PHACTR2: variants seen among roughly 807,000 people sequenced by gnomAD.
PHACTR2 encodes chromosome 6 open reading frame 56.
PHACTR2 carries 30 observed loss-of-function variants against 76.0 expected under a neutral mutation model. The ratio of observed to expected loss-of-function variants is 0.39; its 90% CI spans 0.30 to 0.54. The LOEUF is 0.54. Among genes scored for constraint, PHACTR2 ranks in the 20% least tolerant of loss-of-function variants. The pLI is 0.61. For missense variants in PHACTR2, 696 were observed against 781.1 expected (o/e 0.89, Z 1.30); for synonymous variants, 292 against 292.5 (o/e 1.00, Z 0.02).
intron 1 of PHACTR2, among the ~76,000 whole-genome samples, chr6:143,630,178 A>G (rs1776337832): frequency 7.4e-6 from 1 of 134,390 alleles, no homozygotes; most frequent in South Asian, 2.4e-4. Flanking sequence ...GTTTATAAAT[A>G]TTATTTGAAT....
rs750234421 is a variant in PHACTR2, at chr6:143,742,592, G to A, written c.215-6393G>A. On this transcript the variant is annotated intron_variant, in intron 2 of 12. Coordinates refer to ENST00000440869, the MANE Select transcript of PHACTR2 (RefSeq NM_001100164.2). This position sits in a 1 kb window ranked among gnomAD's most constrained non-coding sequence, Gnocchi z 4.5. Reference sequence around the variant, plus strand: ...ATAAGCCCAGGAGCCCAAGAGCCTTGTGCCCAGGGATGAGGTTAGCCTTCT... The same window carrying A: ...ATAAGCCCAGGAGCCCAAGAGCCTTATGCCCAGGGATGAGGTTAGCCTTCT... Among the ~76,000 whole-genome samples the A allele has an allele frequency of 6.6e-6, 1 of 152,226 alleles. No individual in the cohort carries two copies. The highest frequency in any genetic ancestry group is 2.1e-4 in the South Asian group (1 of 4,834).
chr6:143,753,904 A>T lies in PHACTR2; in HGVS notation c.446A>T (p.Asp149Val), dbSNP rs746444724. The T allele has an allele frequency of 2.5e-6, 4 of 1,598,708 alleles. No individual in the cohort carries two copies. The highest frequency in any genetic ancestry group is 2.6e-6 in the Non-Finnish European group (3 of 1,175,684). Reference protein sequence around the residue: ...KTPPLEEQAEDKKENTENHSE... With the variant: ...KTPPLEEQAEVKKENTENHSE... ...CCACCTCTGGAGGAACAGGCAGAAG[A>T]TAAGAAAGGTAAAATAAAGACAAAC... Residue 149 changes from aspartate to valine, a missense_variant, in exon 4 of 13, where the codon GAT becomes GTT. Coordinates refer to ENST00000440869, the MANE Select transcript of PHACTR2 (RefSeq NM_001100164.2). The surrounding 1 kb of genome is among the most constrained non-coding windows in gnomAD (Gnocchi z 4.6).
chr6:143,548,456 G>T lies in PHACTR2; in HGVS notation c.217+11249G>T, dbSNP rs1486026344. 6.6e-6 allele frequency among the ~76,000 whole-genome samples: 1 copy of T among 152,038 alleles called. No individual in the cohort carries two copies. On this transcript the variant is annotated intron_variant, in intron 1 of 11. Coordinates refer to the PHACTR2 transcript ENST00000367584. The surrounding 1 kb of genome is among the most constrained non-coding windows in gnomAD (Gnocchi z 4.5). ...CTCCCTCCCAGACTTCTCTGATGCT[G>T]TGAGCATATATTCTCCTCAGATTTC...
At position 143,771,539 on chromosome 6, in the gene PHACTR2, C is replaced by A. The variant is rs573132973; in HGVS notation, c.1233-719C>A. Among the ~76,000 whole-genome samples, 4 of 151,738 alleles carry A rather than the reference C, an allele frequency of 2.6e-5. No individual in the cohort carries two copies. In the East Asian group the frequency reaches 7.7e-4, roughly 29 times the overall value. On this transcript the variant is annotated intron_variant, in intron 6 of 12. Coordinates refer to ENST00000440869, the MANE Select transcript of PHACTR2 (RefSeq NM_001100164.2). ...GCAACCTCCACCTCCCGGGTTCAAGCGATTCTCCTGCCTCAGCCTCCCGAG... is the reference window on the plus strand; with the variant it reads ...GCAACCTCCACCTCCCGGGTTCAAGAGATTCTCCTGCCTCAGCCTCCCGAG...
rs1466345530 is a variant in PHACTR2 at position 143,821,497 on chromosome 6, C to T, written c.1923-2177C>T. ...TATGTAAAAATGGATAAGAAAGTTTCCTTCCTCAGCTTCTCATGATCCAAT... is the reference window on the plus strand; with the variant it reads ...TATGTAAAAATGGATAAGAAAGTTTTCTTCCTCAGCTTCTCATGATCCAAT... On this transcript the variant is annotated intron_variant, in intron 12 of 12. Coordinates refer to ENST00000440869, the MANE Select transcript of PHACTR2 (RefSeq NM_001100164.2). The surrounding 1 kb of genome is among the most constrained non-coding windows in gnomAD (Gnocchi z 5.2). Among the ~76,000 whole-genome samples, 1 of 152,206 alleles carries T rather than the reference C, an allele frequency of 6.6e-6. No homozygotes were observed. Among genetic ancestry groups the T allele is most frequent in the Non-Finnish European group, 1.5e-5 (1 of 68,036 alleles).
rs1276769477 is a variant in PHACTR2, at chr6:143,654,491, T to C, written c.13+46169T>C. Among the ~76,000 whole-genome samples the C allele has an allele frequency of 2.0e-5, 3 of 152,048 alleles. No individual in the cohort carries two copies. Among genetic ancestry groups the C allele is most frequent in the African/African-American group, 4.8e-5 (2 of 41,400 alleles). ...AATAAAATATACTATATCCACTCAA[T>C]AGAATATTATTTGCCAATTAAAAAA... is the stretch of plus-strand genomic sequence containing the variant. On this transcript the variant is annotated intron_variant, in intron 1 of 11. Transcript: ENST00000305766. The surrounding 1 kb of genome is among the most constrained non-coding windows in gnomAD (Gnocchi z 4.6).
In PHACTR2 at chr6:143,698,833, C is replaced by T. The variant is rs978199472; in HGVS notation, c.47-13183C>T. On this transcript the variant is annotated intron_variant, in intron 1 of 12. Transcript: ENST00000440869. This position sits in a 1 kb window ranked among gnomAD's most constrained non-coding sequence, Gnocchi z 4.3. ...TAATTGTGCATGAATGTTTCCGTTC[C>T]ACAGTGAACACACTTTTCTACAGCC... 4.6e-5 allele frequency among the ~76,000 whole-genome samples: 7 copies of T among 152,194 alleles called. No homozygotes were observed. The highest frequency in any genetic ancestry group is 1.7e-4 in the African/African-American group (7 of 41,448).
rs1776692069 is a variant in PHACTR2 at position 143,648,136 on chromosome 6, A to G, written c.13+39814A>G. 1.3e-5 allele frequency among the ~76,000 whole-genome samples: 2 copies of G among 152,184 alleles called. No homozygotes were observed. Among genetic ancestry groups the G allele is most frequent in the East Asian group, 3.8e-4 (2 of 5,202 alleles). ...GGGGATTTATCATCTCGTTGGTGGC[A>G]GGAACAAAACTCATAGCAGCATAGT... On this transcript the variant is annotated intron_variant, in intron 1 of 11. Transcript: ENST00000305766. The surrounding 1 kb of genome is among the most constrained non-coding windows in gnomAD (Gnocchi z 6.7).
rs1775931933 is a variant in PHACTR2 at position 143,800,618 on chromosome 6, C to T, written c.1846-6439C>T. 6.6e-6 allele frequency among the ~76,000 whole-genome samples: 1 copy of T among 152,198 alleles called. No individual in the cohort carries two copies. ...GCATGTGAGATGGGTCTCCTGAATA[C>T]AGCACACTGATGGGTCTAGACTCTT... On this transcript the variant is annotated intron_variant, in intron 11 of 12. Transcript: ENST00000440869. The surrounding 1 kb of genome is among the most constrained non-coding windows in gnomAD (Gnocchi z 4.8).
rs1398608274 is a variant in PHACTR2 at position 143,825,176 on chromosome 6, C to G, written c.*1487C>G. The G allele has an allele frequency of 6.6e-6, 1 of 152,484 alleles. No homozygotes were observed. Among genetic ancestry groups the G allele is most frequent in the Non-Finnish European group, 1.5e-5 (1 of 68,024 alleles). The allele number at this position is 152,484 out of a possible 1,614,324, so 9.4% of individuals were successfully genotyped here. ...ATGAAATGAATAACAAAACAAGACC[C>G]AAATAGAGTTTATTTTATTCTCAGA... On this transcript the variant is annotated 3_prime_UTR_variant, in exon 13 of 13. Coordinates refer to ENST00000440869, the MANE Select transcript of PHACTR2 (RefSeq NM_001100164.2). The surrounding 1 kb of genome is among the most constrained non-coding windows in gnomAD (Gnocchi z 4.1).
rs9496693 is a variant in PHACTR2 at position 143,591,185 on chromosome 6, C to T, written c.217+53978C>T. Among the ~76,000 whole-genome samples the T allele has an allele frequency of 2.4e-3, 361 of 152,150 alleles. 2 individuals carry two copies. Among genetic ancestry groups the T allele is most frequent in the African/African-American group, 8.5e-3 (351 of 41,516 alleles). On this transcript the variant is annotated intron_variant, in intron 1 of 11. Coordinates refer to the PHACTR2 transcript ENST00000367584. The surrounding 1 kb of genome is among the most constrained non-coding windows in gnomAD (Gnocchi z 6.4). ...TTCCACGTTCATTTGCTTGGGAATA[C>T]GTGACAGAGCTGAAGGCAGAGAACA...
At chr6:143,586,506 A>C (rs537387895) in intron 1 of PHACTR2, among the ~76,000 whole-genome samples, 6 of 152,340 alleles carry the variant, frequency 3.9e-5, no homozygotes, top group African/African-American at 1.4e-4. Context: ...AAAGAACTTA[A>C]AGGCAACCCC....
rs1044424709 is a variant in PHACTR2 at position 143,641,905 on chromosome 6, A to AT, written c.13+33589dup. Among the ~76,000 whole-genome samples, 3 of 152,182 alleles carry AT rather than the reference A, an allele frequency of 2.0e-5. No homozygotes were observed. Among genetic ancestry groups the AT allele is most frequent in the Admixed American group, 1.3e-4 (2 of 15,288 alleles). ...TGAGATGAAATGGAGTTCTATATAC[A>AT]TTTTTTCTCTTGTGACACTAAAGAA... On this transcript the variant is annotated intron_variant, in intron 1 of 11. Transcript: ENST00000305766. This position sits in a 1 kb window ranked among gnomAD's most constrained non-coding sequence, Gnocchi z 5.8.
chr6:143,574,417 A>G (rs1225129382), intron 1 of PHACTR2, among the ~76,000 whole-genome samples: 2 of 152,252 alleles, frequency 1.3e-5, no homozygotes, highest in Non-Finnish European at 2.9e-5. Flanking sequence ...TCTGTCCTCC[A>G]TGCTACCTTA....
chr6:143,786,821 A>G (rs534239403), intron 10 of PHACTR2, among the ~76,000 whole-genome samples: 46 of 152,126 alleles, frequency 3.0e-4, no homozygotes, highest in African/African-American at 1.0e-3. Flanking sequence ...TGATTCAATT[A>G]CCTCCCCCTG....
chr6:143,564,490 T>G (rs911417063), intron 1 of PHACTR2, among the ~76,000 whole-genome samples: 4 of 152,020 alleles, frequency 2.6e-5, no homozygotes, highest in African/African-American at 9.7e-5. Flanking sequence ...AAACATTTGC[T>G]AGGATTTTGT....
rs1775267256 is a variant in PHACTR2, at chr6:143,776,114, C to A, written c.1590-1214C>A. ...CAGCCTGGGCAACAGAGTGAGACTC[C>A]ATCTCAAAAAAAATGTAAAAATAAA... On this transcript the variant is annotated intron_variant, in intron 8 of 12. Coordinates refer to ENST00000440869, the MANE Select transcript of PHACTR2 (RefSeq NM_001100164.2). This position sits in a 1 kb window ranked among gnomAD's most constrained non-coding sequence, Gnocchi z 5.3. Among the ~76,000 whole-genome samples the A allele has an allele frequency of 6.6e-6, 1 of 151,842 alleles. No individual in the cohort carries two copies. The highest frequency in any genetic ancestry group is 1.5e-5 in the Non-Finnish European group (1 of 67,974).
In PHACTR2 at chr6:143,546,306, G is replaced by T. The variant is rs566829971; in HGVS notation, c.217+9099G>T. The stretch of plus-strand genomic sequence containing the variant: ...TTTCTTGATACCTCTGTGAAGTCTT[G>T]AGAAAGAGTAGCTATTGCTTATCCC... On this transcript the variant is annotated intron_variant, in intron 1 of 11. Coordinates refer to the PHACTR2 transcript ENST00000367584. This position sits in a 1 kb window ranked among gnomAD's most constrained non-coding sequence, Gnocchi z 4.9. 6.6e-6 allele frequency among the ~76,000 whole-genome samples: 1 copy of T among 151,618 alleles called. No individual in the cohort carries two copies. The highest frequency in any genetic ancestry group is 2.4e-5 in the African/African-American group (1 of 41,284).
Position 143,698,495 on chromosome 6 carries a change from C to A in PHACTR2, c.47-13521C>A, listed in dbSNP as rs758410747. Among the ~76,000 whole-genome samples the A allele has an allele frequency of 1.3e-5, 2 of 152,196 alleles. No homozygotes were observed. Among genetic ancestry groups the A allele is most frequent in the Non-Finnish European group, 1.5e-5 (1 of 68,044 alleles). The stretch of plus-strand genomic sequence containing the variant: ...CCTGTTTAATTTGCATAGGATATTT[C>A]TACCTTTTAGGCAATGCTATGAAAC... On this transcript the variant is annotated intron_variant, in intron 1 of 12. Coordinates refer to ENST00000440869, the MANE Select transcript of PHACTR2 (RefSeq NM_001100164.2). The surrounding 1 kb of genome is among the most constrained non-coding windows in gnomAD (Gnocchi z 4.3).
Sources: gnomAD v4.1 joint callset for allele counts (sites outside exome capture counted in the v4.1 genomes callset) on GRCh38, gnomAD v4.1.1 for gene constraint, Gnocchi (gnomAD v3.1) non-coding constraint, MANE v1.5 for transcripts, NCBI Gene and HGNC (gene_info 2026-07-23, HGNC 2026-07-21) for gene names.